LARGE1: variants seen among roughly 807,000 people sequenced by gnomAD.
The protein encoded by LARGE1 is LARGE xylosyl- and glucuronyltransferase 1, also known as xylosyl- and glucuronyltransferase LARGE1.
Under a neutral mutation model 87.6 loss-of-function variants are expected in LARGE1, and 43 were observed. The ratio of observed to expected loss-of-function variants is 0.49; its 90% CI spans 0.38 to 0.63. The LOEUF (loss-of-function observed/expected upper bound fraction) is 0.63. Among genes scored for constraint, LARGE1 ranks in the 30% least tolerant of loss-of-function variants. LARGE1 has a pLI of 0.00. For synonymous variants in LARGE1, 434 were observed against 394.6 expected (o/e 1.10, Z -1.18); for missense variants, 802 against 1,000.2 (o/e 0.80, Z 2.67).
At chr22:33,331,167 T>G in intron 10 of LARGE1, among the ~76,000 whole-genome samples, 1 of 152,134 alleles carries the variant, frequency 6.6e-6, no homozygotes, top group Non-Finnish European at 1.5e-5. Context: ...TGGCCTTCAA[T>G]TGTTCATAAA....
Position 33,336,563 on chromosome 22 carries a change from T to C in LARGE1, c.1287+1083A>G, listed in dbSNP as rs186168403. Among the ~76,000 whole-genome samples the C allele has an allele frequency of 4.6e-5, 7 of 152,224 alleles. No individual in the cohort carries two copies. In the East Asian group the frequency reaches 1.4e-3, roughly 29 times the overall value. Reference sequence around the variant, plus strand: ...AATGAAGCACAGAGGTTGAGTCACTTATCTGAGATCACACAGGTAGTAACT... The same window carrying C: ...AATGAAGCACAGAGGTTGAGTCACTCATCTGAGATCACACAGGTAGTAACT... On this transcript the variant is annotated intron_variant, in intron 10 of 14. Coordinates refer to ENST00000397394, the MANE Select transcript of LARGE1 (RefSeq NM_133642.5).
chr22:33,454,036 C>A (rs1021426359), intron 6 of LARGE1, among the ~76,000 whole-genome samples: 31 of 152,190 alleles, frequency 2.0e-4, no homozygotes, highest in Non-Finnish European at 5.9e-5. Context: ...ATACCACTTT[C>A]CAATTCCTTG....
intron 2 of LARGE1, among the ~76,000 whole-genome samples, chr22:33,715,258 T>TG (rs1170459260): frequency 1.3e-5 from 2 of 152,304 alleles, no homozygotes; most frequent in East Asian, 3.9e-4. Flanking sequence ...CCACAGGCGT[T>TG]TCTCATGTCT....
intron 6 of LARGE1, among the ~76,000 whole-genome samples, chr22:33,538,725 A>C (rs1421081116): frequency 6.6e-6 from 1 of 152,128 alleles, no homozygotes; most frequent in Non-Finnish European, 1.5e-5. Flanking sequence ...AAGTAACTCA[A>C]TGAAGGGGAA....
intron 10 of LARGE1, among the ~76,000 whole-genome samples, chr22:33,325,474 G>C (rs1430323404): frequency 6.6e-6 from 1 of 152,214 alleles, no homozygotes; most frequent in Admixed American, 6.5e-5. Flanking sequence ...GGGTTCTGTG[G>C]AGGGCAGAGC....
intron 9 of LARGE1, among the ~76,000 whole-genome samples, chr22:33,342,331 G>A (rs1414759799): frequency 6.6e-6 from 1 of 152,174 alleles, no homozygotes; most frequent in Non-Finnish European, 1.5e-5. Flanking sequence ...GCTGGCCTAT[G>A]GACCCCGCAA....
rs531466892 is a variant in LARGE1 at position 33,274,260 on chromosome 22, A to C, written c.*167T>G. Reference sequence around the variant, plus strand: ...TGTGGGGCAGAGAGGGACTGGCTGGATCCTTGTCCAAGGTCTCTGTAGTGA... The same window carrying C: ...TGTGGGGCAGAGAGGGACTGGCTGGCTCCTTGTCCAAGGTCTCTGTAGTGA... On this transcript the variant is annotated 3_prime_UTR_variant, in exon 15 of 15. Transcript: ENST00000397394. 1 of 711,256 alleles carries C rather than the reference A, an allele frequency of 1.4e-6. No individual in the cohort carries two copies. The highest frequency in any genetic ancestry group is 2.1e-5 in the Admixed American group (1 of 48,236). 44.1% of individuals were successfully genotyped at this position (711,256 alleles called of 1,614,324 possible).
chr22:33,161,013 G>A (rs966099833), downstream of LARGE1, among the ~76,000 whole-genome samples: 4 of 152,228 alleles, frequency 2.6e-5, no homozygotes, highest in African/African-American at 4.8e-5. Context: ...CTGAGACTGA[G>A]TAATTTATAA....
At chr22:33,209,032 A>G (rs1388543903) in intron 11 of LARGE1, among the ~76,000 whole-genome samples, 2 of 152,226 alleles carry the variant, frequency 1.3e-5, no homozygotes, top group Admixed American at 1.3e-4. Context: ...CAATAAATAT[A>G]CAGGTGCATG....
intron 12 of LARGE1, among the ~76,000 whole-genome samples, chr22:33,297,500 C>T (rs1267297560): frequency 1.3e-5 from 2 of 151,356 alleles, no homozygotes; most frequent in African/African-American, 4.9e-5. Flanking sequence ...ATAATCCCAG[C>T]TACTTGGGAG....
the LARGE1 span, among the ~76,000 whole-genome samples, chr22:33,125,028 C>G: frequency 6.6e-6 from 1 of 152,174 alleles, no homozygotes; most frequent in African/African-American, 2.4e-5. Flanking sequence ...AATTAAGAGG[C>G]AGTTCTACTC....
chr22:33,483,837 G>T (rs2069443204), intron 6 of LARGE1, among the ~76,000 whole-genome samples: 1 of 152,150 alleles, frequency 6.6e-6, no homozygotes. Context: ...TGGCATGCTA[G>T]GGTGGAGAAT....
At chr22:33,664,864 ACAACAACAACAG>A (rs2081223121) in intron 2 of LARGE1, among the ~76,000 whole-genome samples, 1 of 152,168 alleles carries the variant, frequency 6.6e-6, no homozygotes, top group Admixed American at 6.5e-5. Context: ...TCTTAAAAAA[ACAACAACAACAG>A]CAACAACAAC....
At chr22:33,569,791 T>G (rs1292175932) in intron 5 of LARGE1, among the ~76,000 whole-genome samples, 1 of 152,238 alleles carries the variant, frequency 6.6e-6, no homozygotes, top group African/African-American at 2.4e-5. Context: ...CACAGCATGT[T>G]ATCCTGCTGG....
chr22:33,178,049 G>A (rs1922972017), intron 11 of LARGE1, among the ~76,000 whole-genome samples: 1 of 152,130 alleles, frequency 6.6e-6, no homozygotes, highest in African/African-American at 2.4e-5. Context: ...CAGCCATGTG[G>A]AACTGTGAGT....
chr22:33,870,734 A>C (rs1825256313), intron 1 of LARGE1, among the ~76,000 whole-genome samples: 1 of 151,948 alleles, frequency 6.6e-6, no homozygotes. Flanking sequence ...ACACTCGTAA[A>C]ATTTTTGTAT....
intron 2 of LARGE1, among the ~76,000 whole-genome samples, chr22:33,682,678 T>A (rs1007618648): frequency 6.6e-6 from 1 of 152,216 alleles, no homozygotes; most frequent in African/African-American, 2.4e-5. Context: ...GAACCATGAA[T>A]CTTTGAATTA....
At chr22:33,709,636 T>C (rs2082668222) in intron 2 of LARGE1, among the ~76,000 whole-genome samples, 1 of 151,266 alleles carries the variant, frequency 6.6e-6, no homozygotes, top group South Asian at 2.1e-4. Flanking sequence ...TTCTTTTTTT[T>C]TTTTTTTGAG....
In LARGE1 at chr22:33,277,173, C is replaced by T; in HGVS notation, c.1960G>A (p.Glu654Lys). 1 of 1,614,270 alleles carries T rather than the reference C, an allele frequency of 6.2e-7. No individual in the cohort carries two copies. Among genetic ancestry groups the T allele is most frequent in the Non-Finnish European group, 8.5e-7 (1 of 1,180,042 alleles). The change falls in exon 14 of 15, where the codon GAG (glutamate) becomes AAG (lysine). Residue 654 changes from glutamate (E) to lysine (K), a missense_variant. Physicochemically the swap from Glu to Lys is moderately conservative, Grantham distance 56. Transcript: ENST00000397394. ...ACAACATACGGCTCAAAATCGGCCT[C>T]CCACTCAACCCGGTAAGGCGTGGTG... ...TATTPYRVEW[E>K]ADFEPYVVVR... is the part of the protein sequence containing the mutation.
Sources: gnomAD v4.1 joint callset for allele counts (sites outside exome capture counted in the v4.1 genomes callset) on GRCh38, gnomAD v4.1.1 for gene constraint, MANE v1.5 for transcripts, NCBI Gene and HGNC (gene_info 2026-07-23, HGNC 2026-07-21) for gene names.